Variants in UPF1 observed in about 807,000 individuals in gnomAD.
UPF1 encodes regulator of nonsense transcripts 1.
A neutral mutation model predicts 129.2 loss-of-function variants in UPF1; 9 were observed. That is an observed-to-expected ratio of 0.07 (90% CI 0.04 to 0.12). The LOEUF (loss-of-function observed/expected upper bound fraction) is 0.12. Ranked by LOEUF, UPF1 falls within the 10% of genes least tolerant of loss-of-function variation. UPF1 has a pLI of 1.00. For synonymous variants in UPF1, 649 were observed against 644.9 expected (o/e 1.01, Z -0.10); for missense variants, 788 against 1,525.3 (o/e 0.52, Z 8.05).
chr19:18,849,665 G>A (rs1335880951), intron 3 of UPF1: 2 of 196,256 alleles, frequency 1.0e-5, no homozygotes, highest in Non-Finnish European at 2.1e-5. Context: ...TCTGAGGAGT[G>A]ATTTCAGAAG....
chr19:18,857,227 T>C, intron 14 of UPF1, 93 bp from the exon 15 acceptor site: 1 of 1,488,648 alleles, frequency 6.7e-7, no homozygotes, highest in Non-Finnish European at 9.1e-7. Context: ...GGTGGTGTCC[T>C]GTGCATCCTG....
intron 1 of UPF1, among the ~76,000 whole-genome samples, chr19:18,840,688 C>T (rs979287264): frequency 9.6e-4 from 146 of 152,256 alleles, no homozygotes; most frequent in African/African-American, 3.3e-3. Context: ...TTCGGGGCTC[C>T]GGAGGGTTCA....
chr19:18,866,665 G>C lies in UPF1; in HGVS notation c.*148G>C, dbSNP rs1472256543. On this transcript the variant is annotated 3_prime_UTR_variant, in exon 24 of 24. Transcript: ENST00000262803. ...AGCAACAGGAAGGGAGAGCGCACGAGGGAGAGGAGCCGAGGCCGAGCGCCC... is the reference window on the plus strand; with the variant it reads ...AGCAACAGGAAGGGAGAGCGCACGACGGAGAGGAGCCGAGGCCGAGCGCCC... 1 of 152,672 alleles carries C rather than the reference G, an allele frequency of 6.5e-6. No individual in the cohort carries two copies. Among genetic ancestry groups the C allele is most frequent in the Admixed American group, 6.5e-5 (1 of 15,282 alleles). The allele number at this position is 152,672 out of a possible 1,614,324, so 9.5% of individuals were successfully genotyped here.
At chr19:18,847,555 C>G (rs558378020) in intron 2 of UPF1, among the ~76,000 whole-genome samples, 189 bp from the exon 3 acceptor site, 18 of 152,340 alleles carry the variant, frequency 1.2e-4, no homozygotes, top group Admixed American at 7.8e-4. Flanking sequence ...CCACATACCC[C>G]TTCCCTGCAT....
intron 1 of UPF1, among the ~76,000 whole-genome samples, chr19:18,842,258 T>G (rs902519937): frequency 6.6e-6 from 1 of 152,202 alleles, no homozygotes; most frequent in Non-Finnish European, 1.5e-5. Flanking sequence ...GGGACTTGGA[T>G]TCTTAAAAAC....
rs773743294 is a variant in UPF1, at chr19:18,854,722, C to T, written c.1265+13C>T. The T allele has an allele frequency of 6.2e-7, 1 of 1,612,146 alleles. No individual in the cohort carries two copies. Among genetic ancestry groups the T allele is most frequent in the South Asian group, 1.1e-5 (1 of 90,976 alleles). On this transcript the variant is annotated intron_variant, in intron 9 of 23. Coordinates refer to ENST00000262803, the MANE Select transcript of UPF1 (RefSeq NM_002911.4). ...CCTCCTTTGACAGGTACGTCTTCTC[C>T]CATCACTGCCCCCTGTTCCCTGGTT...
At chr19:18,856,666 G>A (rs185014217) in intron 13 of UPF1, among the ~76,000 whole-genome samples, 20 of 152,346 alleles carry the variant, frequency 1.3e-4, no homozygotes, top group African/African-American at 1.2e-4. Flanking sequence ...TGGAGAGGTT[G>A]CCTTCTGTGA....
chr19:18,865,228 G>A lies in UPF1; in HGVS notation c.2858-61G>A, dbSNP rs1037926967. Reference sequence around the variant, plus strand: ...GGCTGACTGGCTGGTGGGGTGGGTGGGGTATCGCTGGGGTTTGACCGAGGC... The same window carrying A: ...GGCTGACTGGCTGGTGGGGTGGGTGAGGTATCGCTGGGGTTTGACCGAGGC... On this transcript the variant is annotated intron_variant, in intron 20 of 23. Coordinates refer to ENST00000262803, the MANE Select transcript of UPF1 (RefSeq NM_002911.4). This position sits in a 1 kb window ranked among gnomAD's most constrained non-coding sequence, Gnocchi z 6.1. 3.3e-6 allele frequency: 5 copies of A among 1,521,336 alleles called. No individual in the cohort carries two copies. Among genetic ancestry groups the A allele is most frequent in the African/African-American group, 2.7e-5 (2 of 73,380 alleles). The allele number at this position is 1,521,336 out of a possible 1,614,324, so 94.2% of individuals were successfully genotyped here.
chr19:18,840,246 G>A (rs1027396103), intron 1 of UPF1, among the ~76,000 whole-genome samples: 1 of 152,160 alleles, frequency 6.6e-6, no homozygotes, highest in African/African-American at 2.4e-5. Context: ...GTATGCATGA[G>A]TAAGTGTGTA....
intron 13 of UPF1, 77 bp from the exon 14 acceptor site, chr19:18,856,800 G>C: frequency 6.6e-7 from 1 of 1,526,608 alleles, no homozygotes; most frequent in African/African-American, 1.4e-5. Flanking sequence ...GAGCTTCTGT[G>C]TTCTGTCCCA....
Position 18,832,051 on chromosome 19 carries a change from A to C in UPF1, c.-159A>C. The C allele has an allele frequency of 1.7e-6, 1 of 577,038 alleles. No individual in the cohort carries two copies. The highest frequency in any genetic ancestry group is 2.5e-6 in the Non-Finnish European group (1 of 392,980). 35.7% of individuals were successfully genotyped at this position (577,038 alleles called of 1,614,324 possible). On this transcript the variant is annotated 5_prime_UTR_variant, in exon 1 of 24. Coordinates refer to ENST00000262803, the MANE Select transcript of UPF1 (RefSeq NM_002911.4). This position sits in a 1 kb window ranked among gnomAD's most constrained non-coding sequence, Gnocchi z 5.6. ...GCAGCGGCGGCGGCTCGGCACTGTT[A>C]CCTCTCGGTCCGGCTGGCGCCGGGG...
At chr19:18,845,023 G>A (rs1221917278) in intron 1 of UPF1, among the ~76,000 whole-genome samples, 1 of 152,250 alleles carries the variant, frequency 6.6e-6, no homozygotes, top group East Asian at 1.9e-4. Context: ...CCTCTGTGGG[G>A]TGCTGCTCCC....
chr19:18,861,092 G>A (rs1212101193), intron 17 of UPF1, 110 bp downstream of exon 17: 1 of 1,403,188 alleles, frequency 7.1e-7, no homozygotes, highest in Non-Finnish European at 9.4e-7. Flanking sequence ...AGCTCAGAAT[G>A]GCCCAGGAAG....
chr19:18,840,495 C>G (rs2055530135), intron 1 of UPF1, among the ~76,000 whole-genome samples: 1 of 152,140 alleles, frequency 6.6e-6, no homozygotes, highest in African/African-American at 2.4e-5. Flanking sequence ...TGGGCAGCAG[C>G]TCACAACTGA....
At chr19:18,859,948 C>T (rs1481051516) in intron 15 of UPF1, 1 of 184,912 alleles carries the variant, frequency 5.4e-6, no homozygotes, top group Non-Finnish European at 1.1e-5. Context: ...GTGTCACACA[C>T]AAGTCAGTTG....
intron 20 of UPF1, among the ~76,000 whole-genome samples, chr19:18,864,821 C>G (rs2055823848): frequency 1.4e-5 from 2 of 143,872 alleles, no homozygotes; most frequent in South Asian, 4.5e-4. Flanking sequence ...CTCACTGCAA[C>G]CTCCCCCTCT....
chr19:18,847,949 T>C (rs2055618229), intron 3 of UPF1, 116 bp downstream of exon 3: 2 of 1,079,646 alleles, frequency 1.9e-6, no homozygotes, highest in Non-Finnish European at 2.7e-6. Flanking sequence ...AACCTGGGTT[T>C]TTTCCTCCTC....
In UPF1 at chr19:18,857,027, T is replaced by A; in HGVS notation, c.1968+7T>A. ...GGTCCTCGGGGCCAAGCAGGTGGGC[T>A]GCCTCCCCTGCCCTCCTGTGTGAAA... On this transcript the variant is annotated splice_region_variant and intron_variant, in intron 14 of 23. Transcript: ENST00000262803. 3 of 1,606,070 alleles carry A rather than the reference T, an allele frequency of 1.9e-6. No individual in the cohort carries two copies. Among genetic ancestry groups the A allele is most frequent in the Non-Finnish European group, 2.6e-6 (3 of 1,176,148 alleles).
At chr19:18,847,492 C>G (rs889530282) in intron 2 of UPF1, among the ~76,000 whole-genome samples, 1 of 152,246 alleles carries the variant, frequency 6.6e-6, no homozygotes, top group African/African-American at 2.4e-5. Flanking sequence ...GGCCTCCTTC[C>G]AGCAGGACTC....
Sources: gnomAD v4.1 joint callset for allele counts (sites outside exome capture counted in the v4.1 genomes callset) on GRCh38, gnomAD v4.1.1 for gene constraint, Gnocchi (gnomAD v3.1) non-coding constraint, MANE v1.5 for transcripts, NCBI Gene and HGNC (gene_info 2026-07-23, HGNC 2026-07-21) for gene names.